Variants in RCOR1 observed in about 807,000 individuals in gnomAD.
RCOR1 encodes REST corepressor 1.
In RCOR1, 12 loss-of-function variants were observed where a neutral mutation model predicts 64.0. That is an observed-to-expected ratio of 0.19 (90% confidence interval 0.12 to 0.30). The LOEUF (loss-of-function observed/expected upper bound fraction) is 0.30. Among genes scored for constraint, RCOR1 ranks in the 10% least tolerant of loss-of-function variants. The pLI, the probability that RCOR1 is intolerant of heterozygous loss-of-function variation, is 1.00. For synonymous variants in RCOR1, 279 were observed against 227.2 expected, an observed-to-expected ratio of 1.23 and a Z score of -2.05; for missense variants, 502 against 621.2, an observed-to-expected ratio of 0.81 and a Z score of 2.04.
chr14:102,675,204 A>G (rs2139952536), intron 2 of RCOR1, among the ~76,000 whole-genome samples: 1 of 152,216 alleles, frequency 6.6e-6, no homozygotes, highest in Admixed American at 6.5e-5. Flanking sequence ...AAACTGAATA[A>G]TTTTTGGTGC....
chr14:102,616,698 C>T (rs536242189), intron 2 of RCOR1, among the ~76,000 whole-genome samples: 1 of 152,298 alleles, frequency 6.6e-6, no homozygotes, highest in South Asian at 2.1e-4. Flanking sequence ...ACCCTCCCCT[C>T]ACATGGCTGT....
chr14:102,697,769 G>A (rs2139975357), intron 3 of RCOR1, among the ~76,000 whole-genome samples: 1 of 149,612 alleles, frequency 6.7e-6, no homozygotes, highest in African/African-American at 2.5e-5. Flanking sequence ...TGCCCAGGTT[G>A]GAATGCAGTG....
At chr14:102,638,118 A>G (rs1349002352) in intron 2 of RCOR1, among the ~76,000 whole-genome samples, 1 of 152,238 alleles carries the variant, frequency 6.6e-6, no homozygotes, top group African/African-American at 2.4e-5. Context: ...CAAATTTGCT[A>G]CATTATAAAG....
At chr14:102,662,926 C>G (rs1184724009) in intron 2 of RCOR1, among the ~76,000 whole-genome samples, 2 of 152,044 alleles carry the variant, frequency 1.3e-5, no homozygotes, top group Non-Finnish European at 2.9e-5. Flanking sequence ...GCCAAACTAC[C>G]CTTCAGAAAG....
chr14:102,651,710 T>G (rs1894595054), intron 2 of RCOR1, among the ~76,000 whole-genome samples: 1 of 152,146 alleles, frequency 6.6e-6, no homozygotes, highest in African/African-American at 2.4e-5. Flanking sequence ...AAATGGGTTA[T>G]TTATTTATTT....
chr14:102,630,886 C>G (rs1329040632), intron 2 of RCOR1, among the ~76,000 whole-genome samples: 4 of 152,014 alleles, frequency 2.6e-5, no homozygotes, highest in African/African-American at 9.7e-5. Flanking sequence ...TAATGGGGGC[C>G]GGTGTCATCT....
chr14:102,715,031 T>A (rs986404845), intron 8 of RCOR1, among the ~76,000 whole-genome samples: 102 of 151,858 alleles, frequency 6.7e-4, no homozygotes, highest in African/African-American at 2.4e-3. Context: ...TCCACCCCTC[T>A]TTTATTACCT....
chr14:102,723,556 C>A (rs904816172), intron 11 of RCOR1, among the ~76,000 whole-genome samples: 2 of 152,188 alleles, frequency 1.3e-5, no homozygotes, highest in African/African-American at 2.4e-5. Context: ...AAGGTCAGTA[C>A]CCCTGAATCA....
chr14:102,704,384 C>T (rs1567441435), intron 4 of RCOR1, among the ~76,000 whole-genome samples: 1 of 152,306 alleles, frequency 6.6e-6, no homozygotes, highest in East Asian at 1.9e-4. Context: ...TTTACTTTTA[C>T]AAAAAATTGT....
In RCOR1 at chr14:102,632,741, TCCCCTCC is replaced by T. The variant is rs1297229601; in HGVS notation, c.361+39419_361+39425del. ...TCCTTTCCTTTCTTCTCCCCTCCCC[TCCCCTCC>T]CCTCCCCTCCCCTCCCCTCCCCTCT... On this transcript the variant is annotated intron_variant, in intron 2 of 11. Coordinates refer to ENST00000262241, the MANE Select transcript of RCOR1 (RefSeq NM_015156.4). Among the ~76,000 whole-genome samples the T allele has an allele frequency of 5.8e-3, 202 of 34,910 alleles. 14 individuals are homozygous for T. The highest frequency in any genetic ancestry group is 0.026 in the African/African-American group (193 of 7,448). The allele number at this position is 34,910 out of a possible 152,430, so 22.9% of individuals were successfully genotyped here.
At position 102,728,059 on chromosome 14, in the gene RCOR1, A is replaced by C. The variant is rs530728147; in HGVS notation, c.*1553A>C. 6.5e-6 allele frequency: 1 copy of C among 152,674 alleles called. No homozygotes were observed. The highest frequency in any genetic ancestry group is 1.9e-4 in the East Asian group (1 of 5,186). The allele number at this position is 152,674 out of a possible 1,614,324, so 9.5% of individuals were successfully genotyped here. A position where few individuals can be genotyped will look rare whatever the true frequency, so the allele number is the denominator to read the frequency against. On this transcript the variant is annotated 3_prime_UTR_variant, in exon 12 of 12. Transcript: ENST00000262241. The stretch of plus-strand genomic sequence containing the variant: ...TTAAAATATGCAATTAAAGTTTGAT[A>C]TGTTTTGTCTCCCAAGCACCTTGTT...
chr14:102,719,101 T>C (rs1896125308), intron 8 of RCOR1, among the ~76,000 whole-genome samples: 1 of 152,056 alleles, frequency 6.6e-6, no homozygotes, highest in African/African-American at 2.4e-5. Context: ...TAATTTTTTT[T>C]TGGCAGGGTC....
At chr14:102,709,261 G>T (rs1331902250) in intron 6 of RCOR1, among the ~76,000 whole-genome samples, 1 of 152,030 alleles carries the variant, frequency 6.6e-6, no homozygotes, top group Non-Finnish European at 1.5e-5. Flanking sequence ...TCACAGGCAG[G>T]TGACTTCAAC....
chr14:102,674,942 C>T (rs1445131391), intron 2 of RCOR1, among the ~76,000 whole-genome samples: 1 of 151,046 alleles, frequency 6.6e-6, no homozygotes, highest in Non-Finnish European at 1.5e-5. Flanking sequence ...CGCCTGTAGT[C>T]CCAGCTACAG....
rs373744281 is a variant in RCOR1 at position 102,704,518 on chromosome 14, G to A, written c.499-2833G>A. On this transcript the variant is annotated intron_variant, in intron 4 of 11. Coordinates refer to ENST00000262241, the MANE Select transcript of RCOR1 (RefSeq NM_015156.4). ...GCGATCTCAGCTCACTACAACCTCC[G>A]CCTCTCGGGTTCAAACAATTCTCCT... Among the ~76,000 whole-genome samples, 19 of 152,280 alleles carry A rather than the reference G, an allele frequency of 1.2e-4. No individual in the cohort carries two copies. In the East Asian group the frequency reaches 3.1e-3, roughly 25 times the overall value.
chr14:102,612,867 G>A (rs1391561107), intron 2 of RCOR1, among the ~76,000 whole-genome samples: 1 of 150,794 alleles, frequency 6.6e-6, no homozygotes, highest in African/African-American at 2.4e-5. Flanking sequence ...TGAGATGGGA[G>A]GATTGCTTGA....
chr14:102,613,977 C>T (rs1317843408), intron 2 of RCOR1, among the ~76,000 whole-genome samples: 3 of 147,636 alleles, frequency 2.0e-5, no homozygotes, highest in African/African-American at 5.1e-5. Flanking sequence ...CTCACTGCAA[C>T]CTCTGCCTCC....
At position 102,657,024 on chromosome 14, in the gene RCOR1, A is replaced by T. The variant is rs1161394388; in HGVS notation, c.362-24871A>T. The T allele has an allele frequency of 6.7e-6, 6 of 902,172 alleles. No homozygotes were observed. The African/African-American group carries it at 1.1e-4, about 17-fold the overall frequency. The allele number at this position is 902,172 out of a possible 1,614,324, so 55.9% of individuals were successfully genotyped here. On this transcript the variant is annotated intron_variant, in intron 2 of 11. Transcript: ENST00000262241. ...TCCTGACCTCATGTGATCCACCCGC[A>T]TCAGCCTCCCAAAGTGCTGGGATTA...
chr14:102,637,884 A>C (rs761621824), intron 2 of RCOR1, among the ~76,000 whole-genome samples: 4 of 152,128 alleles, frequency 2.6e-5, no homozygotes, highest in Non-Finnish European at 5.9e-5. Context: ...GTTTTTTTCT[A>C]GTTTCGTTGT....
Sources: gnomAD v4.1 joint callset for allele counts (sites outside exome capture counted in the v4.1 genomes callset) on GRCh38, gnomAD v4.1.1 for gene constraint, MANE v1.5 for transcripts, NCBI Gene and HGNC (gene_info 2026-07-23, HGNC 2026-07-21) for gene names.